The following AKAP7 variants were observed in gnomAD, a reference collection of about 807,000 sequenced individuals.
The protein encoded by AKAP7 is A-kinase anchoring protein 7, also known as A kinase (PRKA) anchor protein 7.
A neutral mutation model predicts 39.5 loss-of-function variants in AKAP7; 39 were observed. That is an observed-to-expected ratio of 0.99 (90% CI 0.76 to 1.29). AKAP7 has a LOEUF of 1.29. AKAP7 is among the 50% of genes most tolerant of loss of function. The pLI is 0.00. For synonymous variants in AKAP7, 140 were observed against 139.1 expected (o/e 1.01, Z -0.05); for missense variants, 414 against 407.7 (o/e 1.02, Z -0.13).
intron 7 of AKAP7, among the ~76,000 whole-genome samples, chr6:131,246,393 G>A (rs1812007970): frequency 6.6e-6 from 1 of 152,128 alleles, no homozygotes; most frequent in Non-Finnish European, 1.5e-5. Flanking sequence ...AGCATGGAAA[G>A]GTTATGGTTT....
At chr6:131,233,028 A>G (rs917989193) in intron 7 of AKAP7, among the ~76,000 whole-genome samples, 5 of 151,828 alleles carry the variant, frequency 3.3e-5, no homozygotes, top group East Asian at 1.9e-4. Context: ...ATGTGTGTGT[A>G]TATATATAAC....
intron 4 of AKAP7, among the ~76,000 whole-genome samples, chr6:131,165,793 G>A (rs879514241): frequency 2.6e-5 from 4 of 152,000 alleles, no homozygotes; most frequent in Admixed American, 2.6e-4. Context: ...ACAACTCATT[G>A]ATTACTGCTT....
chr6:131,241,613 G>GTATATACGTATATATA lies in AKAP7; in HGVS notation c.850+21806_850+21807insATATACGTATATATAT, dbSNP rs1444377533. Among the ~76,000 whole-genome samples, 598 of 102,438 alleles carry GTATATACGTATATATA rather than the reference G, an allele frequency of 5.8e-3. 15 individuals carry two copies. Among genetic ancestry groups the GTATATACGTATATATA allele is most frequent in the African/African-American group, 0.02 (573 of 28,806 alleles). 67.2% of individuals were successfully genotyped at this position (102,438 alleles called of 152,430 possible). ...TGTGTGTGTGTGTGTGTGTGTGTGT[G>GTATATACGTATATATA]TGTGTGTGTGTGTGTATATATATAT... On this transcript the variant is annotated intron_variant, in intron 7 of 7. Transcript: ENST00000431975.
chr6:131,209,355 A>G (rs1040166179), intron 6 of AKAP7, among the ~76,000 whole-genome samples: 3 of 151,968 alleles, frequency 2.0e-5, no homozygotes, highest in African/African-American at 7.3e-5. Context: ...GGTTCACGCC[A>G]TTCTCCTGCC....
rs775159798 is a variant in AKAP7, at chr6:131,282,616, C to T, written c.*890C>T. The T allele has an allele frequency of 8.0e-5, 122 of 1,519,992 alleles. No homozygotes were observed. The highest frequency in any genetic ancestry group is 9.1e-5 in the Non-Finnish European group (103 of 1,133,870). 94.2% of individuals were successfully genotyped at this position (1,519,992 alleles called of 1,614,324 possible). ...CAACTTTGACATAAGCTCTACATTGCGATTGTGACAACATAGCTTATGAAA... is the reference window on the plus strand; with the variant it reads ...CAACTTTGACATAAGCTCTACATTGTGATTGTGACAACATAGCTTATGAAA... On this transcript the variant is annotated 3_prime_UTR_variant, in exon 8 of 8. Transcript: ENST00000431975.
chr6:131,179,896 T>G (rs57481795), intron 5 of AKAP7, among the ~76,000 whole-genome samples: 10 of 143,436 alleles, frequency 7.0e-5, no homozygotes, highest in African/African-American at 2.6e-4. Context: ...AATAAATAAA[T>G]AATAAATAAA....
chr6:131,226,923 C>T (rs1008691497), intron 7 of AKAP7, among the ~76,000 whole-genome samples: 3 of 152,134 alleles, frequency 2.0e-5, no homozygotes, highest in Admixed American at 6.5e-5. Context: ...ACTTCTCTCT[C>T]GGGTATCATG....
At chr6:131,269,743 G>C (rs189065397) in intron 7 of AKAP7, among the ~76,000 whole-genome samples, 6 of 152,210 alleles carry the variant, frequency 3.9e-5, no homozygotes, top group Middle Eastern at 3.4e-3. Flanking sequence ...ACACTGAAGG[G>C]GAGAATTAAA....
intron 2 of AKAP7, among the ~76,000 whole-genome samples, chr6:131,153,413 A>G (rs1013473050): frequency 6.6e-5 from 10 of 152,192 alleles, no homozygotes; most frequent in Admixed American, 5.9e-4. Flanking sequence ...TAGACAAACC[A>G]TGTCCTACTT....
chr6:131,217,855 A>ATT (rs1809327206), intron 6 of AKAP7, among the ~76,000 whole-genome samples: 1 of 152,092 alleles, frequency 6.6e-6, no homozygotes, highest in Non-Finnish European at 1.5e-5. Context: ...CTGCTGTGTT[A>ATT]TTGCCAGTCT....
intron 7 of AKAP7, among the ~76,000 whole-genome samples, chr6:131,234,433 A>G (rs149685069): frequency 5.7e-4 from 87 of 152,298 alleles, no homozygotes; most frequent in African/African-American, 1.9e-3. Context: ...CAGGCTGCAC[A>G]GAAGAGGAAA....
chr6:131,245,286 C>T (rs1388416492), intron 7 of AKAP7, among the ~76,000 whole-genome samples: 1 of 148,740 alleles, frequency 6.7e-6, no homozygotes, highest in African/African-American at 2.5e-5. Context: ...CACACTGTTG[C>T]CCGGGCTGGA....
At chr6:131,138,770 CAT>C (rs1389183839) in intron 1 of AKAP7, among the ~76,000 whole-genome samples, 1 of 152,190 alleles carries the variant, frequency 6.6e-6, no homozygotes, top group African/African-American at 2.4e-5. Context: ...AGTACCTCTC[CAT>C]AGTGTGGTTG....
At chr6:131,241,637 A>ATATATATATATATGTGTGTGTG (rs1554217972) in intron 7 of AKAP7, among the ~76,000 whole-genome samples, 8 of 78,828 alleles carry the variant, frequency 1.0e-4, no homozygotes, top group Non-Finnish European at 2.1e-4. Flanking sequence ...GTATATATAT[A>ATATATATATATATGTGTGTGTG]TGACAGTTAT....
chr6:131,279,100 A>T (rs6927810), intron 7 of AKAP7, among the ~76,000 whole-genome samples: 4 of 152,138 alleles, frequency 2.6e-5, no homozygotes, highest in South Asian at 2.1e-4. Context: ...TATACCTGGC[A>T]CATTGAAGAC....
At chr6:131,160,545 A>G (rs1456808885) in intron 3 of AKAP7, among the ~76,000 whole-genome samples, 6 of 152,180 alleles carry the variant, frequency 3.9e-5, no homozygotes, top group Non-Finnish European at 7.3e-5. Context: ...ATTTTGCAAA[A>G]TCCACTTGAA....
At chr6:131,158,698 G>A (rs529043082) in intron 2 of AKAP7, among the ~76,000 whole-genome samples, 60 of 152,106 alleles carry the variant, frequency 3.9e-4, no homozygotes, top group East Asian at 1.7e-3. Flanking sequence ...GAGGAGATGG[G>A]GTTTCACCTT....
At chr6:131,160,234 T>G in intron 3 of AKAP7, 36 bp downstream of exon 3, 1 of 1,534,870 alleles carries the variant, frequency 6.5e-7, no homozygotes, top group Non-Finnish European at 8.7e-7. Context: ...ACTGTGAAAT[T>G]TTATTCTAAA....
chr6:131,128,276 G>C, the AKAP7 span, among the ~76,000 whole-genome samples: 1 of 152,184 alleles, frequency 6.6e-6, no homozygotes, highest in Non-Finnish European at 1.5e-5. Context: ...TGTGCAAGTG[G>C]TTACGAAACA....
Sources: allele counts gnomAD v4.1 joint callset (sites outside exome capture counted in the v4.1 genomes callset), GRCh38; gene constraint gnomAD v4.1.1; transcripts MANE v1.5; gene names NCBI Gene and HGNC (gene_info 2026-07-23, HGNC 2026-07-21).